Variants in ROR1 observed in about 807,000 individuals in gnomAD.
The protein encoded by ROR1 is ROR family WNT receptor 1.
Under a neutral mutation model 78.8 loss-of-function variants are expected in ROR1, and 19 were observed. That is an observed-to-expected ratio of 0.24 (90% confidence interval 0.17 to 0.35). ROR1 has a LOEUF of 0.35. ROR1 is among the 10% of genes least tolerant of loss of function. The pLI, the probability that ROR1 is intolerant of heterozygous loss-of-function variation, is 1.00. For synonymous variants in ROR1, 386 were observed against 433.6 expected (o/e 0.89, Z 1.36); for missense variants, 917 against 1,177.8 (o/e 0.78, Z 3.24).
intron 1 of ROR1, among the ~76,000 whole-genome samples, chr1:63,903,728 CTATA>C (rs571157183): frequency 2.6e-5 from 4 of 151,548 alleles, no homozygotes; most frequent in South Asian, 2.1e-4. Context: ...ATAAACATAA[CTATA>C]TATATCTATA....
intron 4 of ROR1, among the ~76,000 whole-genome samples, chr1:64,129,152 G>T (rs1648824398): frequency 6.6e-6 from 1 of 152,126 alleles, no homozygotes; most frequent in African/African-American, 2.4e-5. Context: ...TCAGCAGAAG[G>T]AATGGGAAAC....
intron 4 of ROR1, among the ~76,000 whole-genome samples, chr1:64,125,352 G>A (rs1648674806): frequency 6.6e-6 from 1 of 152,142 alleles, no homozygotes; most frequent in Non-Finnish European, 1.5e-5. Flanking sequence ...AGAATCTACA[G>A]GAGTGTCTTG....
intron 1 of ROR1, among the ~76,000 whole-genome samples, chr1:63,847,057 G>T (rs1447118927): frequency 6.6e-6 from 1 of 152,210 alleles, no homozygotes; most frequent in Non-Finnish European, 1.5e-5. Context: ...CCCTGCAGAG[G>T]TCTTCTTCCA....
intron 2 of ROR1, among the ~76,000 whole-genome samples, chr1:64,020,775 A>G (rs1646558691): frequency 6.6e-6 from 1 of 152,172 alleles, no homozygotes; most frequent in Non-Finnish European, 1.5e-5. Context: ...AAAGGCAGTA[A>G]AGAATTCAGC....
chr1:64,129,894 G>A (rs889927393), intron 4 of ROR1, among the ~76,000 whole-genome samples: 2 of 152,160 alleles, frequency 1.3e-5, no homozygotes, highest in East Asian at 1.9e-4. Context: ...TCACTATGAA[G>A]CAAAGCCAAT....
chr1:64,058,342 T>C (rs1646890761), intron 4 of ROR1, among the ~76,000 whole-genome samples: 2 of 152,060 alleles, frequency 1.3e-5, no homozygotes, highest in African/African-American at 4.8e-5. Context: ...TTTATTGCCC[T>C]GGCTAGAACC....
At chr1:64,127,120 T>G (rs1305865644) in intron 4 of ROR1, among the ~76,000 whole-genome samples, 1 of 152,240 alleles carries the variant, frequency 6.6e-6, no homozygotes, top group Non-Finnish European at 1.5e-5. Context: ...AAAATCGAAC[T>G]GTTTCCATCT....
chr1:63,992,632 G>A (rs932677210), intron 1 of ROR1, among the ~76,000 whole-genome samples: 6 of 152,192 alleles, frequency 3.9e-5, no homozygotes, highest in African/African-American at 1.4e-4. Context: ...GTGAACAGGG[G>A]AAAGAACTAT....
rs201614745 is a variant in ROR1, at chr1:63,815,482, TTC to T, written c.91+40976_91+40977del. ...CTTTTTCTTTTCTTTTCTTTTCTTTTTCTTTTTTTTTTTTTTTTGAGTACTCA... is the reference window on the plus strand; with the variant it reads ...CTTTTTCTTTTCTTTTCTTTTCTTTTTTTTTTTTTTTTTTTTGAGTACTCA... On this transcript the variant is annotated intron_variant, in intron 1 of 8. Coordinates refer to ENST00000371079, the MANE Select transcript of ROR1 (RefSeq NM_005012.4). Among the ~76,000 whole-genome samples, 265 of 125,758 alleles carry T rather than the reference TTC, an allele frequency of 2.1e-3. 15 individuals carry two copies. The highest frequency in any genetic ancestry group is 0.013 in the African/African-American group (247 of 18,432). 82.5% of individuals were successfully genotyped at this position (125,758 alleles called of 152,430 possible). A position where few individuals can be genotyped will look rare whatever the true frequency, so the allele number is the denominator to read the frequency against.
chr1:64,031,070 G>A (rs1646655996), intron 2 of ROR1, among the ~76,000 whole-genome samples: 1 of 152,116 alleles, frequency 6.6e-6, no homozygotes, highest in African/African-American at 2.4e-5. Flanking sequence ...GTTTTGCCAT[G>A]TTTCCCAGGC....
intron 4 of ROR1, among the ~76,000 whole-genome samples, chr1:64,055,045 T>C (rs995090086): frequency 6.6e-6 from 1 of 152,202 alleles, no homozygotes; most frequent in African/African-American, 2.4e-5. Flanking sequence ...CGTGACGACC[T>C]CATTTTAACT....
chr1:64,056,429 C>T (rs1646875234), intron 4 of ROR1, among the ~76,000 whole-genome samples: 1 of 151,858 alleles, frequency 6.6e-6, no homozygotes, highest in South Asian at 2.1e-4. Flanking sequence ...AATTGCAGCA[C>T]TTTGGGAGGC....
intron 1 of ROR1, among the ~76,000 whole-genome samples, chr1:63,894,811 G>T (rs990844267): frequency 2.6e-5 from 4 of 152,110 alleles, no homozygotes; most frequent in African/African-American, 9.7e-5. Context: ...CATTTGAGTT[G>T]GCCATTAGGT....
intron 1 of ROR1, among the ~76,000 whole-genome samples, chr1:63,784,738 C>T (rs1442298663): frequency 2.0e-5 from 3 of 152,188 alleles, no homozygotes; most frequent in Admixed American, 6.5e-5. Context: ...ATGGTGCCTA[C>T]CATGACAGAG....
At chr1:64,015,007 C>G (rs946299250) in intron 2 of ROR1, among the ~76,000 whole-genome samples, 2 of 151,326 alleles carry the variant, frequency 1.3e-5, no homozygotes, top group African/African-American at 4.9e-5. Flanking sequence ...GTTTAATGGA[C>G]TTACATTCCC....
At chr1:64,123,178 A>G (rs555152924) in intron 4 of ROR1, among the ~76,000 whole-genome samples, 2 of 152,308 alleles carry the variant, frequency 1.3e-5, no homozygotes, top group South Asian at 4.2e-4. Flanking sequence ...GATCATTTAA[A>G]TAAAACACAT....
intron 5 of ROR1, among the ~76,000 whole-genome samples, chr1:64,139,560 T>A (rs1649234586): frequency 6.6e-6 from 1 of 152,250 alleles, no homozygotes; most frequent in South Asian, 2.1e-4. Flanking sequence ...ACAATTGTAC[T>A]GTGCTCTTTG....
intron 1 of ROR1, among the ~76,000 whole-genome samples, chr1:63,902,592 G>C (rs1250393757): frequency 6.6e-6 from 1 of 152,084 alleles, no homozygotes; most frequent in Non-Finnish European, 1.5e-5. Context: ...CCAAAGTGCT[G>C]AGATTACAGG....
intron 4 of ROR1, among the ~76,000 whole-genome samples, chr1:64,115,857 C>T (rs1553159352): frequency 1.3e-5 from 2 of 151,982 alleles, no homozygotes; most frequent in Non-Finnish European, 1.5e-5. Flanking sequence ...GGAGTAATAC[C>T]TGCCTCTGCA....
Sources: gnomAD v4.1 joint callset for allele counts (sites outside exome capture counted in the v4.1 genomes callset) on GRCh38, gnomAD v4.1.1 for gene constraint, MANE v1.5 for transcripts, NCBI Gene and HGNC (gene_info 2026-07-23, HGNC 2026-07-21) for gene names.